KALRN: variants seen among roughly 807,000 people sequenced by gnomAD.
The protein encoded by KALRN is kalirin RhoGEF kinase, also known as kalirin.
KALRN carries 70 observed loss-of-function variants against 353.7 expected under a neutral mutation model. The observed-to-expected ratio is 0.20, with a 90% confidence interval of 0.16 to 0.24. KALRN has a LOEUF of 0.24. Ranked by LOEUF, KALRN falls within the 10% of genes least tolerant of loss-of-function variation. The pLI is 1.00. For synonymous variants in KALRN, 1,391 were observed against 1,434.8 expected (o/e 0.97, Z 0.69); for missense variants, 2,791 against 3,756.7 (o/e 0.74, Z 6.72).
chr3:124,505,679 C>T (rs573436970), intron 33 of KALRN, among the ~76,000 whole-genome samples: 2 of 152,242 alleles, frequency 1.3e-5, no homozygotes, highest in East Asian at 3.9e-4. Context: ...ATTTGCTAGA[C>T]AAGAACCTCT....
intron 1 of KALRN, among the ~76,000 whole-genome samples, chr3:124,106,479 A>T (rs563275920): frequency 6.6e-6 from 1 of 152,156 alleles, no homozygotes; most frequent in Non-Finnish European, 1.5e-5. Context: ...AAAGTATAGC[A>T]GCAAGGGAGA....
chr3:124,091,398 G>A (rs926745108), intron 1 of KALRN, among the ~76,000 whole-genome samples: 20 of 152,254 alleles, frequency 1.3e-4, no homozygotes, highest in African/African-American at 2.9e-4. Flanking sequence ...GGCCATTGTC[G>A]TCCCAGGAGA....
intron 34 of KALRN, among the ~76,000 whole-genome samples, chr3:124,609,844 C>T (rs1042099333): frequency 3.9e-5 from 6 of 152,096 alleles, no homozygotes; most frequent in African/African-American, 1.4e-4. Flanking sequence ...GGTAGTTATC[C>T]TCATTTTATA....
At chr3:124,628,656 A>G (rs148364946) in intron 34 of KALRN, among the ~76,000 whole-genome samples, 1 of 150,262 alleles carries the variant, frequency 6.7e-6, no homozygotes, top group East Asian at 2.0e-4. Context: ...GCTTACTGCA[A>G]CCTCTGCCTC....
At chr3:124,179,280 A>T (rs2073224766) in intron 1 of KALRN, among the ~76,000 whole-genome samples, 1 of 152,140 alleles carries the variant, frequency 6.6e-6, no homozygotes, top group Non-Finnish European at 1.5e-5. Context: ...AAATTTTTAA[A>T]ACTTTTAAAA....
intron 38 of KALRN, among the ~76,000 whole-genome samples, chr3:124,652,108 A>G (rs1354739841): frequency 6.6e-6 from 1 of 152,206 alleles, no homozygotes; most frequent in Non-Finnish European, 1.5e-5. Context: ...TCTCAAATTC[A>G]TCACTCCTTT....
At chr3:124,706,224 G>A (rs1430551391) in intron 57 of KALRN, among the ~76,000 whole-genome samples, 2 of 152,004 alleles carry the variant, frequency 1.3e-5, no homozygotes, top group Non-Finnish European at 2.9e-5. Flanking sequence ...TTATTTTCTG[G>A]AAAGGGAAAA....
intron 13 of KALRN, among the ~76,000 whole-genome samples, chr3:124,403,439 G>T (rs1048478023): frequency 6.6e-6 from 1 of 152,156 alleles, no homozygotes; most frequent in Non-Finnish European, 1.5e-5. Flanking sequence ...GAAAATATGG[G>T]CCACCTTTAT....
At chr3:124,574,844 G>A (rs1461145214) in intron 34 of KALRN, among the ~76,000 whole-genome samples, 1 of 152,224 alleles carries the variant, frequency 6.6e-6, no homozygotes, top group East Asian at 1.9e-4. Context: ...GGCAGAGATG[G>A]GAGGACCTCA....
At chr3:124,646,129 G>T (rs955828743) in intron 37 of KALRN, among the ~76,000 whole-genome samples, 1 of 152,070 alleles carries the variant, frequency 6.6e-6, no homozygotes, top group Non-Finnish European at 1.5e-5. Flanking sequence ...TGTGGTAGGT[G>T]GCACTGGACC....
At chr3:124,624,145 C>G (rs2079651163) in intron 34 of KALRN, among the ~76,000 whole-genome samples, 2 of 152,232 alleles carry the variant, frequency 1.3e-5, no homozygotes, top group South Asian at 4.1e-4. Context: ...GGATGTGAAT[C>G]TGAATCATTC....
intron 10 of KALRN, among the ~76,000 whole-genome samples, chr3:124,378,958 A>G (rs1047634622): frequency 5.4e-4 from 81 of 151,390 alleles, no homozygotes; most frequent in African/African-American, 1.9e-3. Flanking sequence ...AGTTTTTGTT[A>G]TATTTGAAAA....
At chr3:124,200,057 T>C (rs1579294929) in intron 1 of KALRN, among the ~76,000 whole-genome samples, 1 of 152,164 alleles carries the variant, frequency 6.6e-6, no homozygotes, top group Admixed American at 6.5e-5. Context: ...ACTAGCATCA[T>C]AAACAGGAAG....
At chr3:124,340,796 A>G (rs560775835) in intron 9 of KALRN, among the ~76,000 whole-genome samples, 1 of 152,244 alleles carries the variant, frequency 6.6e-6, no homozygotes, top group East Asian at 1.9e-4. Context: ...CTCTACTAAA[A>G]ATACAAAACA....
In KALRN at chr3:124,476,485, C is replaced by T. The variant is rs116122634; in HGVS notation, c.4102-760C>T. ...CTGCTGTAATAAACACATATTTGGGCTGCTGTCTCAGAAGAGGATGCCAAC... is the reference window on the plus strand; with the variant it reads ...CTGCTGTAATAAACACATATTTGGGTTGCTGTCTCAGAAGAGGATGCCAAC... On this transcript the variant is annotated intron_variant, in intron 26 of 59. Coordinates refer to ENST00000682506, the MANE Select transcript of KALRN (RefSeq NM_001388419.1). Among the ~76,000 whole-genome samples the T allele has an allele frequency of 9.8e-3, 1,492 of 152,146 alleles. 21 individuals carry two copies. The highest frequency in any genetic ancestry group is 0.034 in the African/African-American group (1,418 of 41,502).
At chr3:124,455,033 G>C (rs1392893135) in intron 21 of KALRN, 144 bp from the exon 22 acceptor site, 3 of 760,216 alleles carry the variant, frequency 3.9e-6, no homozygotes, top group African/African-American at 3.5e-5. Context: ...AGATCTCCCA[G>C]TTAGTAGTAA....
intron 11 of KALRN, among the ~76,000 whole-genome samples, chr3:124,388,300 A>G (rs149149554): frequency 6.6e-6 from 1 of 152,244 alleles, no homozygotes; most frequent in East Asian, 1.9e-4. Context: ...AGTTTCTTTA[A>G]TAAATTAGGA....
At chr3:124,556,817 C>A (rs1160193308) in intron 33 of KALRN, among the ~76,000 whole-genome samples, 1 of 152,176 alleles carries the variant, frequency 6.6e-6, no homozygotes, top group Non-Finnish European at 1.5e-5. Flanking sequence ...CCAGAGTGCA[C>A]CACCCAACAA....
At position 124,264,696 on chromosome 3, in the gene KALRN, C is replaced by T. The variant is rs766236724; in HGVS notation, c.456+6C>T. On this transcript the variant is annotated splice_donor_region_variant and intron_variant, in intron 4 of 59. Transcript: ENST00000682506. ...GCTCCAAATTCATCTTTGAGGTGAGCCAGATTTCTCTCTCTTAGCATCTTC... is the reference window on the plus strand; with the variant it reads ...GCTCCAAATTCATCTTTGAGGTGAGTCAGATTTCTCTCTCTTAGCATCTTC... 4 of 1,612,070 alleles carry T rather than the reference C, an allele frequency of 2.5e-6. No individual in the cohort carries two copies. In the African/African-American group the frequency reaches 4.0e-5, roughly 16 times the overall value.
Sources: allele counts gnomAD v4.1 joint callset (sites outside exome capture counted in the v4.1 genomes callset), GRCh38; gene constraint gnomAD v4.1.1; transcripts MANE v1.5; gene names NCBI Gene and HGNC (gene_info 2026-07-23, HGNC 2026-07-21).